Variants in BCL6 observed in about 807,000 individuals in gnomAD.
BCL6 encodes B-cell lymphoma 6 protein.
BCL6 carries 7 observed loss-of-function variants against 59.5 expected under a neutral mutation model. The observed-to-expected ratio is 0.12, with a 90% confidence interval of 0.07 to 0.22. BCL6 has a LOEUF of 0.22. Ranked by LOEUF, BCL6 falls within the 10% of genes least tolerant of loss-of-function variation. The pLI is 1.00. For synonymous variants in BCL6, 339 were observed against 349.7 expected (o/e 0.97, Z 0.34); for missense variants, 685 against 939.4 (o/e 0.73, Z 3.54).
chr3:187,744,812 G>T (rs116291615), intron 1 of BCL6, among the ~76,000 whole-genome samples: 2 of 101,798 alleles, frequency 2.0e-5, no homozygotes, highest in South Asian at 3.9e-4. Flanking sequence ...GAGCGACGGA[G>T]CAAGGAAAGC....
At chr3:187,743,700 C>T (rs979335519) in intron 1 of BCL6, among the ~76,000 whole-genome samples, 23 of 152,096 alleles carry the variant, frequency 1.5e-4, no homozygotes, top group African/African-American at 5.5e-4. Flanking sequence ...CATCCGGCAG[C>T]GGGGTGGCCC....
chr3:187,729,785 A>G lies in BCL6; in HGVS notation c.620T>C (p.Leu207Pro). 6.2e-7 allele frequency: 1 copy of G among 1,614,126 alleles called. No homozygotes were observed. Among genetic ancestry groups the G allele is most frequent in the Non-Finnish European group, 8.5e-7 (1 of 1,180,012 alleles). ...MYSHLPVSSLLFSDEEFRDVR... is the reference protein window; with the variant it reads ...MYSHLPVSSLPFSDEEFRDVR... ...ATCCCGAAACTCCTCATCGGAGAAG[A>G]GGAGGCTGCTGACAGGGAGGTGGCT... The change falls in exon 5 of 10, where the codon CTC (leucine) becomes CCC (proline). Residue 207 changes from leucine to proline, a missense_variant. By Grantham distance (98) the Leu-to-Pro change is moderately conservative (BLOSUM62 -3). Transcript: ENST00000406870. The surrounding 1 kb of genome is among the most constrained non-coding windows in gnomAD (Gnocchi z 5.6).
In BCL6 at chr3:187,725,699, TG is replaced by T; in HGVS notation, c.1709-71del. The T allele has an allele frequency of 6.3e-7, 1 of 1,588,256 alleles. No individual in the cohort carries two copies. Among genetic ancestry groups the T allele is most frequent in the East Asian group, 2.2e-5 (1 of 44,570 alleles). ...GAAGGTCTCTGCAGTCCGTGGCTCC[TG>T]GATTTCTAAGCAGCCTGCTCCTCCC... On this transcript the variant is annotated intron_variant, in intron 7 of 9. Coordinates refer to ENST00000406870, the MANE Select transcript of BCL6 (RefSeq NM_001706.5). This position sits in a 1 kb window ranked among gnomAD's most constrained non-coding sequence, Gnocchi z 4.7.
chr3:187,724,449 C>A (rs1718570925), intron 9 of BCL6: 1 of 154,974 alleles, frequency 6.5e-6, no homozygotes, highest in East Asian at 1.9e-4. Flanking sequence ...CTTAAAATGA[C>A]CTTCTTTATG....
At chr3:187,744,326 C>A (rs1576884732) in intron 1 of BCL6, among the ~76,000 whole-genome samples, 1 of 151,930 alleles carries the variant, frequency 6.6e-6, no homozygotes, top group African/African-American at 2.4e-5. Flanking sequence ...CCCTTTCCCA[C>A]CCACCCCAAG....
At chr3:187,734,974 T>A (rs2108473406) in intron 1 of BCL6, 67 bp from the exon 2 acceptor site, 1 of 152,818 alleles carries the variant, frequency 6.5e-6, no homozygotes, top group East Asian at 1.9e-4. Flanking sequence ...ACTATAGTCT[T>A]ATTTTAGGAC....
chr3:187,741,339 G>C (rs1711582100), intron 1 of BCL6, among the ~76,000 whole-genome samples: 1 of 152,112 alleles, frequency 6.6e-6, no homozygotes, highest in South Asian at 2.1e-4. Flanking sequence ...GTCTTCAAAA[G>C]GCAGAATGGC....
chr3:187,735,121 CAGA>C (rs1187276501), intron 1 of BCL6, among the ~76,000 whole-genome samples: 2 of 152,074 alleles, frequency 1.3e-5, no homozygotes, highest in African/African-American at 4.8e-5. Context: ...TGTTTTTATC[CAGA>C]GTACTGGGAG....
chr3:187,730,099 AT>A (rs1267669154), intron 4 of BCL6, 78 bp from the exon 5 acceptor site: 26 of 1,494,060 alleles, frequency 1.7e-5, no homozygotes, highest in Non-Finnish European at 2.3e-5. Context: ...TGACACTTAT[AT>A]AACCACATCT....
rs147886574 is a variant in BCL6 at position 187,742,218 on chromosome 3, C to T, written c.-50+3192G>A. On this transcript the variant is annotated intron_variant, in intron 1 of 9. Transcript: ENST00000406870. ...AGGGGTGGCGCTGCTGCACCGCCTC[C>T]TCTATATCTCTTAAGTTTTTCACAA... 5.6e-3 allele frequency among the ~76,000 whole-genome samples: 852 copies of T among 152,254 alleles called. 2 individuals are homozygous for T. Among genetic ancestry groups the T allele is most frequent in the Middle Eastern group, 0.014 (4 of 294 alleles).
At chr3:187,744,729 G>T (rs531143411) in intron 1 of BCL6, among the ~76,000 whole-genome samples, 2 of 152,126 alleles carry the variant, frequency 1.3e-5, no homozygotes, top group South Asian at 2.1e-4. Context: ...GCCTCCCGGA[G>T]TTACCCAGAA....
chr3:187,726,999 C>G, intron 6 of BCL6, 101 bp from the exon 7 acceptor site: 2 of 1,338,630 alleles, frequency 1.5e-6, no homozygotes, highest in Non-Finnish European at 1.0e-6. Context: ...CCAAACTGAA[C>G]TCTCAGTCCC....
Position 187,725,866 on chromosome 3 carries a change from C to T in BCL6, c.1709-237G>A, listed in dbSNP as rs761428177. Among the ~76,000 whole-genome samples the T allele has an allele frequency of 2.0e-5, 3 of 152,144 alleles. No homozygotes were observed. The highest frequency in any genetic ancestry group is 2.9e-5 in the Non-Finnish European group (2 of 68,034). On this transcript the variant is annotated intron_variant, in intron 7 of 9. Transcript: ENST00000406870. This position sits in a 1 kb window ranked among gnomAD's most constrained non-coding sequence, Gnocchi z 4.7. ...CAGGGCCAAGAAACAAGTGGTGGCA[C>T]GGAGTAGCAACAATGCCAGGTGTGG...
intron 9 of BCL6, 123 bp from the exon 10 acceptor site, chr3:187,722,724 C>A (rs1718485546): frequency 1.6e-6 from 2 of 1,265,312 alleles, no homozygotes; most frequent in African/African-American, 3.0e-5. Context: ...CTCTCCAAGG[C>A]CAGGTGAAGA....
In BCL6 at chr3:187,722,352, G is replaced by T; in HGVS notation, c.*106C>A. 5 of 1,109,678 alleles carry T rather than the reference G, an allele frequency of 4.5e-6. No homozygotes were observed. The highest frequency in any genetic ancestry group is 3.5e-6 in the Non-Finnish European group (3 of 849,998). 68.7% of individuals were successfully genotyped at this position (1,109,678 alleles called of 1,614,324 possible). The stretch of plus-strand genomic sequence containing the variant: ...CCCCCAGCTATGATTTGCACTAGTG[G>T]ATGAAAGAGGCACTACATCATGGGA... On this transcript the variant is annotated 3_prime_UTR_variant, in exon 10 of 10. Transcript: ENST00000406870.
chr3:187,723,367 T>C (rs928825902), intron 9 of BCL6, among the ~76,000 whole-genome samples: 7 of 152,194 alleles, frequency 4.6e-5, no homozygotes, highest in African/African-American at 1.7e-4. Context: ...GTAATCTAGA[T>C]GAGATCTTGA....
Position 187,728,473 on chromosome 3 carries a change from G to A in BCL6, c.1427C>T (p.Thr476Met), listed in dbSNP as rs535108808. ...CTGTGGGGACTGAGAGCCGCAGGAC[G>A]TGCACTTCGGGGGGTGCATGTAGAG... Reference protein sequence around the residue: ...SPLYMHPPKCTSCGSQSPQHA... With the variant: ...SPLYMHPPKCMSCGSQSPQHA... The change falls in exon 6 of 10, where the codon ACG (threonine) becomes ATG (methionine). Residue 476 changes from threonine to methionine, a missense_variant. By Grantham distance (81) the Thr-to-Met change is moderately conservative. Around this residue, in one of 7 missense-constraint regions of BCL6, gnomAD observed 207 missense variants for 213.7 expected, o/e 0.97. Coordinates refer to ENST00000406870, the MANE Select transcript of BCL6 (RefSeq NM_001706.5). 20 of 1,611,828 alleles carry A rather than the reference G, an allele frequency of 1.2e-5. No homozygotes were observed. Among genetic ancestry groups the A allele is most frequent in the Middle Eastern group, 1.9e-4 (1 of 5,202 alleles).
chr3:187,737,140 C>T (rs1292771672), intron 1 of BCL6: 3 of 152,204 alleles, frequency 2.0e-5, no homozygotes, highest in Admixed American at 6.5e-5. Flanking sequence ...CCCAATCTCC[C>T]CGCACCCACG....
intron 1 of BCL6, among the ~76,000 whole-genome samples, chr3:187,744,824 G>C (rs190071481): frequency 8.5e-5 from 13 of 152,152 alleles, no homozygotes; most frequent in Admixed American, 3.9e-4. Flanking sequence ...AAGGAAAGCA[G>C]TTTGCAAGCG....
Sources: gnomAD v4.1 joint callset for allele counts (sites outside exome capture counted in the v4.1 genomes callset) on GRCh38, gnomAD v4.1.1 for gene constraint, gnomAD v4.1.1 regional missense constraint, Gnocchi (gnomAD v3.1) non-coding constraint, MANE v1.5 for transcripts, NCBI Gene and HGNC (gene_info 2026-07-23, HGNC 2026-07-21) for gene names.